DOCK2: variants seen among roughly 807,000 people sequenced by gnomAD.
DOCK2 encodes dedicator of cytokinesis protein 2.
In DOCK2, 87 loss-of-function variants were observed where a neutral mutation model predicts 248.9. The ratio of observed to expected loss-of-function variants is 0.35; its 90% CI spans 0.29 to 0.42. DOCK2 has a LOEUF of 0.42. Ranked by LOEUF, DOCK2 falls within the 10% of genes least tolerant of loss-of-function variation. The pLI is 1.00. For synonymous variants in DOCK2, 805 were observed against 821.6 expected, an observed-to-expected ratio of 0.98 and a Z score of 0.35; for missense variants, 1,747 against 2,300.2, an observed-to-expected ratio of 0.76 and a Z score of 4.92.
At chr5:169,991,272 G>A (rs117274241) in intron 29 of DOCK2, among the ~76,000 whole-genome samples, 1 of 152,362 alleles carries the variant, frequency 6.6e-6, no homozygotes, top group East Asian at 1.9e-4. Flanking sequence ...GCCACATGAA[G>A]AGAAGTAGGA....
intron 41 of DOCK2, among the ~76,000 whole-genome samples, chr5:170,055,059 A>G (rs1757072327): frequency 6.6e-6 from 1 of 152,192 alleles, no homozygotes; most frequent in African/African-American, 2.4e-5. Flanking sequence ...ATGATTAAAC[A>G]CCACTAGACA....
intron 30 of DOCK2, among the ~76,000 whole-genome samples, chr5:170,008,219 CAACAACA>C (rs756948060): frequency 0.055 from 2,314 of 42,066 alleles, 30 homozygotes; most frequent in African/African-American, 0.09. Flanking sequence ...ACAACAACAA[CAACAACA>C]AAAAAAAAAA....
intron 43 of DOCK2, 31 bp from the exon 44 acceptor site, chr5:170,057,549 C>G: frequency 6.2e-7 from 1 of 1,603,030 alleles, no homozygotes; most frequent in Non-Finnish European, 8.5e-7. Flanking sequence ...TGTTGCTTTC[C>G]TGCCCTTGCC....
intron 33 of DOCK2, among the ~76,000 whole-genome samples, chr5:170,026,140 A>AG (rs533146246): frequency 1.3e-3 from 201 of 152,234 alleles, no homozygotes; most frequent in African/African-American, 4.5e-3. Context: ...CACAAAAGTG[A>AG]GGGAACGATG....
chr5:169,998,076 C>T, intron 30 of DOCK2: 1 of 455,956 alleles, frequency 2.2e-6, no homozygotes, highest in Non-Finnish European at 4.4e-6. Flanking sequence ...AGAGGCCTCC[C>T]CTCCTGACTC....
In DOCK2 at chr5:169,712,045, C is replaced by G. The variant is rs553655766; in HGVS notation, c.1555+38C>G. ...CTGAATGGCATCTCTGCACCTCCCC[C>G]TAAGGGGAGAAGAATGGAAGAGCTG... On this transcript the variant is annotated intron_variant, in intron 16 of 51. Coordinates refer to ENST00000520908, the MANE Select transcript of DOCK2 (RefSeq NM_004946.3). 2.8e-5 allele frequency: 45 copies of G among 1,612,476 alleles called. No homozygotes were observed. In the East Asian group the frequency reaches 9.8e-4, roughly 35 times the overall value.
At chr5:169,889,622 G>A (rs1317174527) in intron 27 of DOCK2, among the ~76,000 whole-genome samples, 1 of 152,216 alleles carries the variant, frequency 6.6e-6, no homozygotes, top group African/African-American at 2.4e-5. Context: ...TACGCCAGGA[G>A]TCAGCAAGTT....
rs1757884258 is a variant in DOCK2 at position 170,077,733 on chromosome 5, G to A, written c.4890G>A (p.Val1630=). Residue 1630 remains valine, a synonymous_variant, in exon 48 of 52, where the codon GTG becomes GTA. Transcript: ENST00000520908. ...REMPDFDDRR[V]GRPRSMLRSY... ...AGCCTGACTTTGACGACAGGAGAGT[G>A]GGCCGTCCCAGGTCTATGCTGCGCT... 1 of 1,613,658 alleles carries A rather than the reference G, an allele frequency of 6.2e-7. No individual in the cohort carries two copies. Among genetic ancestry groups the A allele is most frequent in the Admixed American group, 1.7e-5 (1 of 59,986 alleles).
intron 27 of DOCK2, among the ~76,000 whole-genome samples, chr5:169,913,582 A>G (rs554744540): frequency 8.5e-5 from 13 of 152,334 alleles, no homozygotes; most frequent in African/African-American, 2.2e-4. Context: ...AAAAATAAAC[A>G]TATTGAAATT....
intron 27 of DOCK2, chr5:169,883,512 T>C: frequency 1.9e-6 from 3 of 1,551,602 alleles, no homozygotes; most frequent in Non-Finnish European, 2.6e-6. Flanking sequence ...GGATGGCACT[T>C]TGGGAGGCTG....
In DOCK2 at chr5:169,950,789, T is replaced by A. The variant is rs1776633627; in HGVS notation, c.2800-32279T>A. ...GGACCAGATTCTGTCCCCAGCTCTA[T>A]GTGATGAACCACCAGCTTCAGCAGC... On this transcript the variant is annotated intron_variant, in intron 27 of 51. Coordinates refer to ENST00000520908, the MANE Select transcript of DOCK2 (RefSeq NM_004946.3). Among the ~76,000 whole-genome samples the A allele has an allele frequency of 2.0e-5, 3 of 152,354 alleles. No individual in the cohort carries two copies. In the South Asian group the frequency reaches 6.2e-4, roughly 32 times the overall value.
At chr5:169,954,597 T>C (rs1031018209) in intron 27 of DOCK2, among the ~76,000 whole-genome samples, 1 of 152,246 alleles carries the variant, frequency 6.6e-6, no homozygotes, top group African/African-American at 2.4e-5. Context: ...GTTCTTCTAT[T>C]TTATGAAAGG....
chr5:170,027,854 C>T lies in DOCK2; in HGVS notation c.3382-9C>T. 6.2e-7 allele frequency: 1 copy of T among 1,610,576 alleles called. No homozygotes were observed. The highest frequency in any genetic ancestry group is 1.1e-5 in the South Asian group (1 of 90,520). On this transcript the variant is annotated splice_polypyrimidine_tract_variant and intron_variant, in intron 33 of 51. Transcript: ENST00000520908. ...TGTTATTGTTGATTTTTGTCTCCTACATCTTCAGTTTGAAAACGAAATCAT... is the reference window on the plus strand; with the variant it reads ...TGTTATTGTTGATTTTTGTCTCCTATATCTTCAGTTTGAAAACGAAATCAT...
At chr5:170,071,146 C>T (rs1169167544) in intron 46 of DOCK2, among the ~76,000 whole-genome samples, 1 of 152,192 alleles carries the variant, frequency 6.6e-6, no homozygotes. Flanking sequence ...AAGATGCAGT[C>T]CTGCTCATAG....
chr5:170,048,194 C>T (rs1213918501), intron 40 of DOCK2, among the ~76,000 whole-genome samples: 1 of 152,088 alleles, frequency 6.6e-6, no homozygotes, highest in Non-Finnish European at 1.5e-5. Context: ...GAGTTCGAGA[C>T]CAGCCTGGGT....
chr5:169,697,843 C>A (rs940537248), intron 10 of DOCK2, among the ~76,000 whole-genome samples: 1 of 152,008 alleles, frequency 6.6e-6, no homozygotes, highest in Non-Finnish European at 1.5e-5. Flanking sequence ...GGTTTTGGGA[C>A]CTTTAGTGGC....
chr5:169,835,911 T>C (rs1229960383), intron 26 of DOCK2, among the ~76,000 whole-genome samples: 1 of 151,962 alleles, frequency 6.6e-6, no homozygotes, highest in Non-Finnish European at 1.5e-5. Flanking sequence ...TGCACCACCA[T>C]GCCAGGCTAA....
intron 22 of DOCK2, among the ~76,000 whole-genome samples, chr5:169,730,871 T>G (rs262873): frequency 2.0e-5 from 3 of 151,828 alleles, no homozygotes; most frequent in Non-Finnish European, 2.9e-5. Context: ...TGATTATAGC[T>G]ACCACTCTCT....
At chr5:169,923,483 GCACA>G (rs34053722) in intron 27 of DOCK2, among the ~76,000 whole-genome samples, 1,785 of 148,518 alleles carry the variant, frequency 0.012, 23 homozygotes, top group African/African-American at 0.031. Flanking sequence ...ATGCACGTGG[GCACA>G]CACACACACA....
Sources: gnomAD v4.1 joint callset for allele counts (sites outside exome capture counted in the v4.1 genomes callset) on GRCh38, gnomAD v4.1.1 for gene constraint, MANE v1.5 for transcripts, NCBI Gene and HGNC (gene_info 2026-07-23, HGNC 2026-07-21) for gene names.